The following CSTPP1 variants were observed in gnomAD, a reference collection of about 807,000 sequenced individuals.
The protein encoded by CSTPP1 is UPF0705 protein C11orf49.
the CSTPP1 span, chr11:47,162,200 A>C: frequency 1.0e-6 from 1 of 985,538 alleles, no homozygotes; most frequent in Non-Finnish European, 1.2e-6. Context: ...TGTGTCTAAT[A>C]GCTAAACAAA....
the CSTPP1 span, among the ~76,000 whole-genome samples, chr11:47,025,904 A>G: frequency 6.6e-6 from 1 of 152,216 alleles, no homozygotes; most frequent in African/African-American, 2.4e-5. Context: ...ATAAAAGAAA[A>G]CAGACAAGAA....
At chr11:47,034,501 CTTCT>C in the CSTPP1 span, among the ~76,000 whole-genome samples, 2 of 112,990 alleles carry the variant, frequency 1.8e-5, no homozygotes, top group Non-Finnish European at 1.8e-5. Context: ...TTTTTAAAAG[CTTCT>C]TTTTTTTTTT....
the CSTPP1 span, among the ~76,000 whole-genome samples, chr11:47,070,759 G>A: frequency 6.6e-6 from 1 of 152,124 alleles, no homozygotes; most frequent in Non-Finnish European, 1.5e-5. Flanking sequence ...GTAATTCTCT[G>A]AAGCACAGCC....
the CSTPP1 span, among the ~76,000 whole-genome samples, chr11:47,075,940 A>C: frequency 6.6e-6 from 1 of 150,904 alleles, no homozygotes; most frequent in African/African-American, 2.4e-5. Flanking sequence ...AAAAAAAAAA[A>C]AAAAAAAAAA....
the CSTPP1 span, among the ~76,000 whole-genome samples, chr11:47,103,131 C>T: frequency 1.3e-5 from 2 of 152,016 alleles, no homozygotes; most frequent in East Asian, 3.9e-4. Context: ...GGTGTGGTGG[C>T]TTATGCCTAT....
the CSTPP1 span, among the ~76,000 whole-genome samples, chr11:47,097,434 C>T: frequency 1.7e-5 from 1 of 58,934 alleles, no homozygotes. Context: ...GGCCAGCCGC[C>T]CCGTCCGGGA....
the CSTPP1 span, among the ~76,000 whole-genome samples, chr11:46,964,999 T>C: frequency 3.3e-4 from 50 of 152,218 alleles, no homozygotes; most frequent in African/African-American, 1.1e-3. Flanking sequence ...AAGCAGATGG[T>C]TGGACAGGTA....
the CSTPP1 span, among the ~76,000 whole-genome samples, chr11:47,068,018 CT>C: frequency 8.8e-4 from 128 of 145,784 alleles, no homozygotes; most frequent in Non-Finnish European, 8.8e-4. Flanking sequence ...ATGGTAATTA[CT>C]TTTTTTTTTT....
At chr11:47,036,441 C>G in the CSTPP1 span, among the ~76,000 whole-genome samples, 3 of 116,268 alleles carry the variant, frequency 2.6e-5, 1 homozygote, top group African/African-American at 7.8e-5. Context: ...GCTAAAACAA[C>G]TCTAAACAAG....
chr11:47,109,779 G>T, the CSTPP1 span, among the ~76,000 whole-genome samples: 12,931 of 152,160 alleles, frequency 0.085, 1,827 homozygotes, highest in African/African-American at 0.3. Context: ...CCAGTAATTG[G>T]TAAGGCTTGG....
the CSTPP1 span, among the ~76,000 whole-genome samples, chr11:47,139,012 A>AC: frequency 1.5e-5 from 2 of 130,756 alleles, no homozygotes; most frequent in African/African-American, 5.8e-5. Flanking sequence ...AAAAAAAAAA[A>AC]CCTGAGCTAG....
chr11:47,046,064 C>G, the CSTPP1 span, among the ~76,000 whole-genome samples: 1 of 152,046 alleles, frequency 6.6e-6, no homozygotes, highest in East Asian at 1.9e-4. Flanking sequence ...GGATTACAGG[C>G]GTGAGCCACC....
the CSTPP1 span, among the ~76,000 whole-genome samples, chr11:47,116,682 T>TG: frequency 7.2e-6 from 1 of 138,126 alleles, no homozygotes; most frequent in African/African-American, 2.7e-5. Context: ...TAGGTTTTTT[T>TG]TTTTTTTTTT....
the CSTPP1 span, among the ~76,000 whole-genome samples, chr11:47,062,734 G>A: frequency 2.0e-5 from 3 of 152,212 alleles, no homozygotes; most frequent in Admixed American, 6.5e-5. Context: ...ACTAGTAGTC[G>A]GCTAACTACA....
the CSTPP1 span, among the ~76,000 whole-genome samples, chr11:47,086,751 A>G: frequency 6.6e-6 from 1 of 152,188 alleles, no homozygotes; most frequent in Non-Finnish European, 1.5e-5. Flanking sequence ...AGTCCTGATG[A>G]TTAAATTAAA....
chr11:46,946,631 C>T, the CSTPP1 span, among the ~76,000 whole-genome samples: 1 of 152,326 alleles, frequency 6.6e-6, no homozygotes, highest in Non-Finnish European at 1.5e-5. Flanking sequence ...GCACTCCAGC[C>T]TGGGCGACAG....
chr11:46,956,623 C>T, the CSTPP1 span, among the ~76,000 whole-genome samples: 1 of 152,250 alleles, frequency 6.6e-6, no homozygotes, highest in African/African-American at 2.4e-5. Context: ...AGCATGTAAA[C>T]GAAACCCCCT....
the CSTPP1 span, among the ~76,000 whole-genome samples, chr11:47,038,948 G>T: frequency 8.2e-6 from 1 of 122,168 alleles, no homozygotes; most frequent in African/African-American, 2.5e-5. Context: ...AGGATGGGCC[G>T]CCGGGCAGAG....
At chr11:47,039,137 G>A in the CSTPP1 span, among the ~76,000 whole-genome samples, 1 of 127,568 alleles carries the variant, frequency 7.8e-6, no homozygotes, top group Non-Finnish European at 1.9e-5. Flanking sequence ...GGCACTTTGG[G>A]AGGCCAAGGC....
Sources: allele counts gnomAD v4.1 joint callset (sites outside exome capture counted in the v4.1 genomes callset), GRCh38; gene constraint gnomAD v4.1.1; transcripts MANE v1.5; gene names NCBI Gene and HGNC (gene_info 2026-07-23, HGNC 2026-07-21).